The following XIAP variants were observed in gnomAD, a reference collection of about 807,000 sequenced individuals.
XIAP encodes the protein X-linked inhibitor of apoptosis.
A neutral mutation model predicts 33.1 loss-of-function variants in XIAP; 3 were observed. The observed-to-expected ratio is 0.09, with a 90% CI of 0.04 to 0.23. The LOEUF is 0.23. XIAP is among the 10% of genes least tolerant of loss of function. The pLI, the probability that XIAP is intolerant of heterozygous loss-of-function variation, is 1.00. For synonymous variants in XIAP, 98 were observed against 121.3 expected, an observed-to-expected ratio of 0.81 and a Z score of 1.26; for missense variants, 264 against 363.0, an observed-to-expected ratio of 0.73 and a Z score of 2.22.
rs967536811 is a variant in XIAP, at chrX:123,891,393, A to G, written c.1056+77A>G. 1.2e-5 allele frequency: 6 copies of G among 487,904 alleles called. No individual in the cohort carries two copies. In the Admixed American group the frequency reaches 1.7e-4, roughly 14 times the overall value. 40.2% of individuals were successfully genotyped at this position (487,904 alleles called of 1,213,427 possible). A position where few individuals can be genotyped will look rare whatever the true frequency, so the allele number is the denominator to read the frequency against. On this transcript the variant is annotated intron_variant, in intron 4 of 6. Transcript: ENST00000371199. ...ATATTTTCATTATGTAGTTTATATTATATCATTTGTTTTATAGTTATTTCT... is the reference window on the plus strand; with the variant it reads ...ATATTTTCATTATGTAGTTTATATTGTATCATTTGTTTTATAGTTATTTCT...
intron 5 of XIAP, among the ~76,000 whole-genome samples, chrX:123,894,261 G>A (rs886648518): frequency 1.8e-5 from 2 of 112,352 alleles, no homozygotes; most frequent in African/African-American, 6.5e-5. Context: ...TTCAGATGAA[G>A]AAAGAGTCAG....
intron 1 of XIAP, among the ~76,000 whole-genome samples, chrX:123,866,061 C>T (rs112517206): frequency 2.7e-5 from 3 of 111,072 alleles, no homozygotes; most frequent in African/African-American, 9.8e-5. Context: ...CTGCCTCAGC[C>T]TCCCGAGTAG....
rs150833974 is a variant in XIAP, at chrX:123,887,629, G to C, written c.878-990G>C. Among the ~76,000 whole-genome samples, 262 of 111,665 alleles carry C rather than the reference G, an allele frequency of 2.3e-3. 2 individuals carry two copies. Among genetic ancestry groups the C allele is most frequent in the African/African-American group, 8.1e-3 (250 of 30,805 alleles). On this transcript the variant is annotated intron_variant, in intron 2 of 6. Coordinates refer to ENST00000371199, the MANE Select transcript of XIAP (RefSeq NM_001167.4). ...GTTACTAATACTTGAAACATAACTT[G>C]TTTTAAAATTTCACAGTTTGAAACA...
chrX:123,882,474 C>G (rs775328228), intron 1 of XIAP, among the ~76,000 whole-genome samples: 1 of 111,927 alleles, frequency 8.9e-6, no homozygotes, highest in East Asian at 2.8e-4. Flanking sequence ...GCTATTCCAA[C>G]TATTTCTCAT....
At chrX:123,871,716 GT>G (rs1240201662) in intron 1 of XIAP, among the ~76,000 whole-genome samples, 1 of 109,863 alleles carries the variant, frequency 9.1e-6, no homozygotes, top group Non-Finnish European at 1.9e-5. Context: ...AAGTGGATTA[GT>G]TTCTTTTTCT....
chrX:123,894,739 C>T (rs952908610), intron 5 of XIAP, among the ~76,000 whole-genome samples: 1 of 108,359 alleles, frequency 9.2e-6, no homozygotes, highest in Non-Finnish European at 1.9e-5. Flanking sequence ...TTGCACTACA[C>T]CCTGGGCAAA....
intron 2 of XIAP, among the ~76,000 whole-genome samples, chrX:123,887,717 C>T (rs922491358): frequency 6.3e-5 from 7 of 111,532 alleles, no homozygotes; most frequent in Admixed American, 1.9e-4. Context: ...GGCGCGGTGG[C>T]TCCCGCCTAT....
chrX:123,894,637 G>A (rs1360111530), intron 5 of XIAP, among the ~76,000 whole-genome samples: 1 of 110,715 alleles, frequency 9.0e-6, no homozygotes, highest in Non-Finnish European at 1.9e-5. Context: ...GTGTGGTGCT[G>A]CACGCCTGTA....
At chrX:123,874,500 C>T (rs2053223923) in intron 1 of XIAP, 2 of 111,008 alleles carry the variant, frequency 1.8e-5, no homozygotes, top group East Asian at 2.8e-4. Flanking sequence ...TGGAATGATA[C>T]AGAGAAGGTT....
chrX:123,885,630 G>C lies in XIAP; in HGVS notation c.-32-1G>C. 8.3e-7 allele frequency: 1 copy of C among 1,199,817 alleles called. No individual in the cohort carries two copies. On this transcript the variant is annotated splice_acceptor_variant, in intron 1 of 6. Transcript: ENST00000371199. LOFTEE classifies it low-confidence loss of function (5UTR_SPLICE). Reference sequence around the variant, plus strand: ...TTCCTAATATAATGTTCTCTTTTTAGAAAAGGTGGACAAGTCCTATTTTCA... The same window carrying C: ...TTCCTAATATAATGTTCTCTTTTTACAAAAGGTGGACAAGTCCTATTTTCA...
intron 1 of XIAP, among the ~76,000 whole-genome samples, chrX:123,867,361 C>CT (rs752438708): frequency 2.7e-3 from 231 of 86,041 alleles, no homozygotes; most frequent in African/African-American, 6.8e-3. Context: ...GCCCAGCAGT[C>CT]TTTTTTTTTT....
At chrX:123,868,841 C>T (rs2053167199) in intron 1 of XIAP, among the ~76,000 whole-genome samples, 1 of 112,095 alleles carries the variant, frequency 8.9e-6, no homozygotes, top group Non-Finnish European at 1.9e-5. Context: ...ATACTTATGT[C>T]CATTTTGCAG....
At chrX:123,869,360 T>TACAAAAAAAAAAA (rs2053171993) in intron 1 of XIAP, among the ~76,000 whole-genome samples, 1 of 5,441 alleles carries the variant, frequency 1.8e-4, no homozygotes. Context: ...ACTAAAAAAA[T>TACAAAAAAAAAAA]ACAAAAAAAA....
chrX:123,888,004 T>TA (rs1569478084), intron 2 of XIAP, among the ~76,000 whole-genome samples: 4,748 of 66,448 alleles, frequency 0.071, 132 homozygotes, highest in African/African-American at 0.12. Flanking sequence ...TAATAATAAT[T>TA]AATAAATAAA....
At chrX:123,891,101 C>T (rs779371372) in intron 3 of XIAP, 137 bp from the exon 4 acceptor site, 24 of 354,554 alleles carry the variant, frequency 6.8e-5, no homozygotes, top group African/African-American at 5.5e-4. Flanking sequence ...AATTGGGTAA[C>T]ATTTTACTTT....
rs781493958 is a variant in XIAP at position 123,900,513 on chromosome X, C to G, written c.1120C>G (p.Pro374Ala). 9.1e-6 allele frequency: 11 copies of G among 1,209,884 alleles called. No individual in the cohort carries two copies. The South Asian group carries it at 1.6e-4, about 17-fold the overall frequency. ...RRIDDTIFQN[P>A]MVQEAIRMGF... ...TTCAGATGATACCATCTTCCAAAAT[C>G]CTATGGTACAAGAAGCTATACGAAT... Residue 374 changes from proline (P) to alanine (A), a missense_variant, in exon 6 of 7, where the codon CCT becomes GCT. Transcript: ENST00000371199.
chrX:123,908,862 T>C lies in XIAP; in HGVS notation c.*1681T>C, dbSNP rs1236683412. On this transcript the variant is annotated 3_prime_UTR_variant, in exon 7 of 7. Transcript: ENST00000371199. ...CAAGATTCTCACAACAAACCTATTG[T>C]AGAGGTGAGTAAGGCATGTTACTAC... 1 of 349,872 alleles carries C rather than the reference T, an allele frequency of 2.9e-6. No homozygotes were observed. Among genetic ancestry groups the C allele is most frequent in the South Asian group, 2.6e-5 (1 of 38,187 alleles). The allele number at this position is 349,872 out of a possible 1,213,427, so 28.8% of individuals were successfully genotyped here.
intron 1 of XIAP, among the ~76,000 whole-genome samples, chrX:123,878,074 G>A (rs1322566773): frequency 1.8e-5 from 2 of 111,549 alleles, no homozygotes; most frequent in East Asian, 5.6e-4. Context: ...AAATGACTTA[G>A]TCCTCTCACC....
chrX:123,897,292 A>G (rs1199807247), intron 5 of XIAP, among the ~76,000 whole-genome samples: 1 of 111,683 alleles, frequency 9.0e-6, no homozygotes, highest in Admixed American at 9.6e-5. Flanking sequence ...TCATGCTTTT[A>G]ATGTCATATT....
Sources: gnomAD v4.1 joint callset for allele counts (sites outside exome capture counted in the v4.1 genomes callset) on GRCh38, gnomAD v4.1.1 for gene constraint, MANE v1.5 for transcripts, NCBI Gene and HGNC (gene_info 2026-07-23, HGNC 2026-07-21) for gene names.